DOCK11: variants seen among roughly 807,000 people sequenced by gnomAD.
The protein encoded by DOCK11 is dedicator of cytokinesis protein 11.
In DOCK11, 70 loss-of-function variants were observed where a neutral mutation model predicts 169.1. The ratio of observed to expected loss-of-function variants is 0.41; its 90% confidence interval spans 0.34 to 0.51. The LOEUF (loss-of-function observed/expected upper bound fraction) is 0.51, where lower values mean the gene tolerates loss of function less well. DOCK11 is among the 20% of genes least tolerant of loss of function. The pLI is 0.10. For missense variants in DOCK11, 1,166 were observed against 1,538.8 expected (o/e 0.76, Z 4.05); for synonymous variants, 529 against 541.3 (o/e 0.98, Z 0.32).
At chrX:118,607,418 A>AT (rs56374019) in intron 24 of DOCK11, among the ~76,000 whole-genome samples, 23,636 of 51,186 alleles carry the variant, frequency 0.46, 6,589 homozygotes, top group East Asian at 0.83. Flanking sequence ...CCGGGCCTTC[A>AT]TTTTTTTTTT....
chrX:118,657,240 T>TA (rs1178261114), intron 44 of DOCK11, among the ~76,000 whole-genome samples: 3 of 111,625 alleles, frequency 2.7e-5, no homozygotes, highest in African/African-American at 9.7e-5. Context: ...ACTAGCCATT[T>TA]ATATATTTCA....
At chrX:118,605,503 G>A in intron 24 of DOCK11, 147 bp downstream of exon 24, 1 of 370,865 alleles carries the variant, frequency 2.7e-6, no homozygotes, top group Non-Finnish European at 4.6e-6. Context: ...ATTGTCATTT[G>A]TCTCAAGATA....
chrX:118,573,317 C>G (rs1196463498), intron 11 of DOCK11, among the ~76,000 whole-genome samples: 1 of 112,499 alleles, frequency 8.9e-6, no homozygotes, highest in African/African-American at 3.2e-5. Context: ...AGAGAGGAAT[C>G]ATGTCTTCCA....
intron 20 of DOCK11, among the ~76,000 whole-genome samples, chrX:118,594,289 C>T (rs1005695130): frequency 1.8e-5 from 2 of 111,852 alleles, no homozygotes; most frequent in Non-Finnish European, 3.8e-5. Flanking sequence ...GATTCAGATC[C>T]CAGCTAGTCT....
intron 35 of DOCK11, among the ~76,000 whole-genome samples, chrX:118,634,697 C>A (rs1266801581): frequency 8.9e-6 from 1 of 112,270 alleles, no homozygotes; most frequent in Non-Finnish European, 1.9e-5. Flanking sequence ...TAGGCGAAAG[C>A]GGAAGTCACT....
chrX:118,623,077 G>C (rs911840358), intron 31 of DOCK11, among the ~76,000 whole-genome samples: 2 of 111,538 alleles, frequency 1.8e-5, no homozygotes, highest in Non-Finnish European at 3.8e-5. Context: ...AATTAGCCAG[G>C]CGTGGTGGTG....
intron 28 of DOCK11, among the ~76,000 whole-genome samples, chrX:118,611,633 T>C (rs2014683699): frequency 8.9e-6 from 1 of 112,840 alleles, no homozygotes; most frequent in Non-Finnish European, 1.9e-5. Flanking sequence ...ATTTGGGATA[T>C]ACCAGAAGAA....
At position 118,518,806 on chromosome X, in the gene DOCK11, A is replaced by G. The variant is rs184556940; in HGVS notation, c.102+22733A>G. Among the ~76,000 whole-genome samples the G allele has an allele frequency of 7.5e-4, 84 of 111,684 alleles. No individual in the cohort carries two copies. The South Asian group carries it at 8.3e-3, about 11-fold the overall frequency. Reference sequence around the variant, plus strand: ...ATGATGTGTCATTGTAGGGTCATCAATTGTAACAAATGTACCACTCTGGTG... The same window carrying G: ...ATGATGTGTCATTGTAGGGTCATCAGTTGTAACAAATGTACCACTCTGGTG... On this transcript the variant is annotated intron_variant, in intron 1 of 52. Transcript: ENST00000276202.
intron 1 of DOCK11, among the ~76,000 whole-genome samples, chrX:118,502,534 A>T (rs2057582014): frequency 9.0e-6 from 1 of 111,628 alleles, no homozygotes; most frequent in African/African-American, 3.3e-5. Flanking sequence ...TTAAGATGTG[A>T]GAGACAGAGC....
rs768178966 is a variant in DOCK11 at position 118,625,317 on chromosome X, G to C, written c.3588+662G>C. Among the ~76,000 whole-genome samples, 4 of 110,540 alleles carry C rather than the reference G, an allele frequency of 3.6e-5. No individual in the cohort carries two copies. In the East Asian group the frequency reaches 1.1e-3, roughly 32 times the overall value. ...CTACAGGTGCCCGCCACCATGCCTG[G>C]CTAATTTTTTTGTATATTTAGTAGA... On this transcript the variant is annotated intron_variant, in intron 32 of 52. Transcript: ENST00000276202.
rs770774527 is a variant in DOCK11, at chrX:118,592,599, G to A, written c.2140-615G>A. Among the ~76,000 whole-genome samples, 16 of 111,823 alleles carry A rather than the reference G, an allele frequency of 1.4e-4. No individual in the cohort carries two copies. In the South Asian group the frequency reaches 3.0e-3, roughly 21 times the overall value. On this transcript the variant is annotated intron_variant, in intron 19 of 52. Transcript: ENST00000276202. The stretch of plus-strand genomic sequence containing the variant: ...CTTCCAGGAGGCATTACAAACATTC[G>A]GTTGGGATCTGATTAGAAAATTACT...
intron 46 of DOCK11, among the ~76,000 whole-genome samples, chrX:118,673,543 A>G (rs1396145204): frequency 5.4e-5 from 6 of 112,127 alleles, no homozygotes; most frequent in Non-Finnish European, 9.4e-5. Flanking sequence ...GCTGAAAACT[A>G]TCAGAGATAG....
At chrX:118,604,399 G>C (rs1235018330) in intron 23 of DOCK11, among the ~76,000 whole-genome samples, 3 of 111,035 alleles carry the variant, frequency 2.7e-5, no homozygotes, top group Non-Finnish European at 3.8e-5. Flanking sequence ...CAAAAGTCAG[G>C]GAATCTGGGA....
chrX:118,558,130 G>A (rs910809038), intron 6 of DOCK11, among the ~76,000 whole-genome samples: 2 of 108,740 alleles, frequency 1.8e-5, no homozygotes, highest in East Asian at 2.9e-4. Context: ...GCGCCACCAC[G>A]CCTGGCTAAT....
intron 1 of DOCK11, among the ~76,000 whole-genome samples, chrX:118,509,930 C>T (rs1272261320): frequency 9.0e-6 from 1 of 111,729 alleles, no homozygotes; most frequent in African/African-American, 3.3e-5. Context: ...GTCTTTCTCA[C>T]ATCCTATCAG....
intron 32 of DOCK11, 124 bp downstream of exon 32, chrX:118,624,779 GCC>G: frequency 2.5e-6 from 1 of 394,500 alleles, no homozygotes; most frequent in Non-Finnish European, 4.2e-6. Context: ...TTTTTTTTGA[GCC>G]AGAGTCTCGC....
chrX:118,621,592 G>T (rs753022913), intron 31 of DOCK11, among the ~76,000 whole-genome samples: 1 of 111,699 alleles, frequency 9.0e-6, no homozygotes, highest in African/African-American at 3.2e-5. Flanking sequence ...TGGAGATATT[G>T]CTGGTCCCTG....
At chrX:118,587,922 G>T (rs1288342557) in intron 16 of DOCK11, among the ~76,000 whole-genome samples, 2 of 111,979 alleles carry the variant, frequency 1.8e-5, no homozygotes, top group African/African-American at 6.5e-5. Flanking sequence ...TCCACGTCTG[G>T]TATGAAGGGT....
intron 11 of DOCK11, among the ~76,000 whole-genome samples, chrX:118,573,403 A>C (rs1476410755): frequency 8.9e-6 from 1 of 112,556 alleles, no homozygotes; most frequent in African/African-American, 3.2e-5. Flanking sequence ...ATGTATAGTC[A>C]AGTAAGTTGG....
Sources: gnomAD v4.1 joint callset for allele counts (sites outside exome capture counted in the v4.1 genomes callset) on GRCh38, gnomAD v4.1.1 for gene constraint, MANE v1.5 for transcripts, NCBI Gene and HGNC (gene_info 2026-07-23, HGNC 2026-07-21) for gene names.